Variants in XPO6 observed in about 807,000 individuals in gnomAD.
XPO6 encodes exportin-6.
A neutral mutation model predicts 130.0 loss-of-function variants in XPO6; 3 were observed. The ratio of observed to expected loss-of-function variants is 0.02; its 90% CI spans 0.01 to 0.06. The LOEUF (loss-of-function observed/expected upper bound fraction) is 0.06, where lower values mean the gene tolerates loss of function less well. XPO6 is among the 10% of genes least tolerant of loss of function. The pLI, the probability that XPO6 is intolerant of heterozygous loss-of-function variation, is 1.00. For missense variants in XPO6, 970 were observed against 1,393.0 expected (o/e 0.70, Z 4.83); for synonymous variants, 524 against 548.9 (o/e 0.95, Z 0.63).
intron 1 of XPO6, chr16:28,183,282 G>A (rs111476704): frequency 6.6e-6 from 1 of 152,186 alleles, no homozygotes. Context: ...CCTGCAGAAA[G>A]TGGAAGGACA....
At chr16:28,191,579 A>G (rs535531916) in intron 1 of XPO6, among the ~76,000 whole-genome samples, 3 of 152,338 alleles carry the variant, frequency 2.0e-5, no homozygotes, top group South Asian at 2.1e-4. Flanking sequence ...TTGTTCTACA[A>G]TGAGGAAAAT....
intron 5 of XPO6, chr16:28,167,310 T>C (rs2043372279): frequency 3.0e-6 from 3 of 985,434 alleles, no homozygotes; most frequent in Non-Finnish European, 3.6e-6. Context: ...CCCACAAACC[T>C]GCCACCAATC....
At chr16:28,161,134 A>G (rs992472861) in intron 6 of XPO6, among the ~76,000 whole-genome samples, 1 of 152,232 alleles carries the variant, frequency 6.6e-6, no homozygotes. Context: ...ATATTAGATT[A>G]AAGTCTGATG....
At chr16:28,127,680 G>A (rs16939849) in intron 12 of XPO6, among the ~76,000 whole-genome samples, 6,271 of 152,224 alleles carry the variant, frequency 0.041, 442 homozygotes, top group African/African-American at 0.15. Flanking sequence ...GCCTCGATCC[G>A]CCACCAACGT....
chr16:28,174,511 C>T (rs573492914), intron 4 of XPO6, among the ~76,000 whole-genome samples: 1 of 152,262 alleles, frequency 6.6e-6, no homozygotes, highest in African/African-American at 2.4e-5. Flanking sequence ...TACTATATCC[C>T]CTCATGTGCT....
chr16:28,211,090 T>A (rs757181622), intron 1 of XPO6, among the ~76,000 whole-genome samples: 1 of 152,074 alleles, frequency 6.6e-6, no homozygotes, highest in Non-Finnish European at 1.5e-5. Context: ...CAATAAACGA[T>A]AGTTATTATC....
chr16:28,186,371 A>ATCCTTTTTTTTTT (rs2043692526), intron 1 of XPO6, among the ~76,000 whole-genome samples: 1 of 10,136 alleles, frequency 9.9e-5, no homozygotes, highest in African/African-American at 4.1e-4. Context: ...TGCCCCAGTT[A>ATCCTTTTTTTTTT]TTCTTTTTTT....
intron 23 of XPO6, among the ~76,000 whole-genome samples, chr16:28,099,994 AT>A (rs556338887): frequency 2.2e-4 from 33 of 148,772 alleles, no homozygotes; most frequent in Non-Finnish European, 3.1e-4. Context: ...ATATAACTAG[AT>A]TTTTTTTTTT....
Position 28,135,319 on chromosome 16 carries a change from T to C in XPO6, c.1340A>G (p.Glu447Gly). The part of the protein sequence containing the change: ...GDKEAVLNRY[E>G]DALVLLLTEV... ...TGTGAGCAGGAGCACCAGGGCATCT[T>C]CGTACCTATGTGGCAGGGAGAAATT... Residue 447 changes from glutamate to glycine, a missense_variant, in exon 10 of 24, where the codon GAA (glutamate) becomes GGA (glycine). Glu to Gly is a moderately conservative substitution (Grantham distance 98). This residue lies in a region of XPO6 where 936 missense variants were observed against 1,306.8 expected (regional missense o/e 0.72). Coordinates refer to ENST00000304658, the MANE Select transcript of XPO6 (RefSeq NM_015171.4). 1 of 1,613,462 alleles carries C rather than the reference T, an allele frequency of 6.2e-7. No individual in the cohort carries two copies. The highest frequency in any genetic ancestry group is 2.2e-5 in the East Asian group (1 of 44,878).
In XPO6 at chr16:28,152,701, C is replaced by A. The variant is rs2043116649; in HGVS notation, c.1182G>T (p.Val394=). Residue 394 remains valine, a synonymous_variant, in exon 8 of 24, where the codon GTG becomes GTT. Coordinates refer to ENST00000304658, the MANE Select transcript of XPO6 (RefSeq NM_015171.4). The part of the protein sequence containing the change: ...RRIESYSQFP[V]VEFLTLLFKY... The stretch of plus-strand genomic sequence containing the variant: ...TGAACAAAAGTGTCAAAAACTCCAC[C>A]ACAGGGAACTGGGAGTAAGACTCGA... The A allele has an allele frequency of 6.2e-7, 1 of 1,613,020 alleles. No homozygotes were observed. Among genetic ancestry groups the A allele is most frequent in the Non-Finnish European group, 8.5e-7 (1 of 1,179,720 alleles).
intron 1 of XPO6, among the ~76,000 whole-genome samples, chr16:28,181,757 G>C (rs1008877050): frequency 9.2e-5 from 14 of 152,138 alleles, no homozygotes; most frequent in African/African-American, 3.4e-4. Context: ...GCAGCCAACA[G>C]AGATTAAAGT....
At chr16:28,199,206 T>C (rs549243384) in intron 1 of XPO6, among the ~76,000 whole-genome samples, 1 of 152,366 alleles carries the variant, frequency 6.6e-6, no homozygotes, top group East Asian at 1.9e-4. Flanking sequence ...TAAAAGGACA[T>C]GAGTCCGTGA....
chr16:28,108,493 G>C (rs1596786171), intron 17 of XPO6, among the ~76,000 whole-genome samples: 1 of 152,168 alleles, frequency 6.6e-6, no homozygotes, highest in East Asian at 1.9e-4. Flanking sequence ...TAGAGACAAG[G>C]TCCCGAACGA....
At chr16:28,114,262 G>A (rs2087000904) in intron 15 of XPO6, among the ~76,000 whole-genome samples, 1 of 148,382 alleles carries the variant, frequency 6.7e-6, no homozygotes, top group Non-Finnish European at 1.5e-5. Flanking sequence ...CATATGTAAA[G>A]GAAAATGAAG....
At chr16:28,119,323 C>A (rs996817992) in intron 14 of XPO6, among the ~76,000 whole-genome samples, 1 of 151,970 alleles carries the variant, frequency 6.6e-6, no homozygotes, top group South Asian at 2.1e-4. Flanking sequence ...CCAGCCTAGA[C>A]ACCATTTTAA....
chr16:28,112,994 G>T lies in XPO6; in HGVS notation c.2061C>A (p.Thr687=). 6.2e-7 allele frequency: 1 copy of T among 1,614,156 alleles called. No individual in the cohort carries two copies. Among genetic ancestry groups the T allele is most frequent in the Non-Finnish European group, 8.5e-7 (1 of 1,180,022 alleles). ...ACHLLVSLAT[T]VRPVFLISIP... ...TGCTGATCAGAAAGACGGGCCGCAC[G>T]GTGGTGGCCAGTGAGACCAGTAAGT... The change falls in exon 16 of 24, where the codon ACC becomes ACA. Residue 687 remains threonine (T), a synonymous_variant. Coordinates refer to ENST00000304658, the MANE Select transcript of XPO6 (RefSeq NM_015171.4).
intron 4 of XPO6, among the ~76,000 whole-genome samples, chr16:28,171,362 A>G (rs1379674054): frequency 6.6e-6 from 1 of 150,746 alleles, no homozygotes; most frequent in Non-Finnish European, 1.5e-5. Context: ...CTGAGGCAGG[A>G]GGATCACTTG....
At chr16:28,122,887 G>C (rs935291719) in intron 13 of XPO6, among the ~76,000 whole-genome samples, 1 of 152,012 alleles carries the variant, frequency 6.6e-6, no homozygotes, top group African/African-American at 2.4e-5. Flanking sequence ...GAAAATGTTT[G>C]ATAAAACTTT....
chr16:28,185,253 G>A (rs1002175100), intron 1 of XPO6, among the ~76,000 whole-genome samples: 1 of 152,110 alleles, frequency 6.6e-6, no homozygotes, highest in South Asian at 2.1e-4. Context: ...CCAGCTACTT[G>A]GGGGGCTGAG....
Sources: gnomAD v4.1 joint callset for allele counts (sites outside exome capture counted in the v4.1 genomes callset) on GRCh38, gnomAD v4.1.1 for gene constraint, gnomAD v4.1.1 regional missense constraint, MANE v1.5 for transcripts, NCBI Gene and HGNC (gene_info 2026-07-23, HGNC 2026-07-21) for gene names.